The following TECPR2 variants were observed in gnomAD, a reference collection of about 807,000 sequenced individuals.
TECPR2 encodes tectonin beta-propeller repeat-containing protein 2.
A neutral mutation model predicts 138.1 loss-of-function variants in TECPR2; 65 were observed. That is an observed-to-expected ratio of 0.47 (90% CI 0.39 to 0.58). The LOEUF (loss-of-function observed/expected upper bound fraction) is 0.58, where lower values mean the gene tolerates loss of function less well. TECPR2 is among the 20% of genes least tolerant of loss of function. The pLI is 0.00. For synonymous variants in TECPR2, 746 were observed against 749.8 expected (o/e 0.99, Z 0.08); for missense variants, 1,553 against 1,824.5 (o/e 0.85, Z 2.71).
rs1889385017 is a variant in TECPR2 at position 102,428,344 on chromosome 14, T to C, written c.1046T>C (p.Ile349Thr). Reference sequence around the variant, plus strand: ...TTCTTGAAAGGAGATAGGAACATTATAAGAATTTCAAGCAGGCCTGAAGGA... The same window carrying C: ...TTCTTGAAAGGAGATAGGAACATTACAAGAATTTCAAGCAGGCCTGAAGGA... Reference protein sequence around the residue: ...IFFLKGDRNIIRISSRPEGLT... With the variant: ...IFFLKGDRNITRISSRPEGLT... Residue 349 changes from isoleucine (I) to threonine (T), a missense_variant, in exon 7 of 20, where the codon ATA (isoleucine) becomes ACA (threonine). Physicochemically the swap from Ile to Thr is moderately conservative, Grantham distance 89. Transcript: ENST00000359520. 6.2e-7 allele frequency: 1 copy of C among 1,609,588 alleles called. No homozygotes were observed. The highest frequency in any genetic ancestry group is 8.5e-7 in the Non-Finnish European group (1 of 1,178,514).
intron 19 of TECPR2, 48 bp from the exon 20 acceptor site, chr14:102,498,055 C>A: frequency 9.8e-7 from 1 of 1,023,620 alleles, no homozygotes; most frequent in Non-Finnish European, 1.4e-6. Flanking sequence ...GTGCCCACCC[C>A]ACAGGCTGTG....
intron 17 of TECPR2, among the ~76,000 whole-genome samples, chr14:102,476,343 G>A (rs1166817554): frequency 8.0e-5 from 12 of 149,746 alleles, no homozygotes; most frequent in Admixed American, 6.7e-4. Context: ...ATGAGCCTGG[G>A]CAAGATGGCA....
chr14:102,482,725 A>G (rs1246571261), intron 17 of TECPR2, among the ~76,000 whole-genome samples: 1 of 151,556 alleles, frequency 6.6e-6, no homozygotes, highest in African/African-American at 2.4e-5. Flanking sequence ...TTCACCCTTG[A>G]CCTTGCTGGA....
rs150645913 is a variant in TECPR2 at position 102,376,774 on chromosome 14, A to C, written c.53A>C (p.Tyr18Ser). The stretch of plus-strand genomic sequence containing the variant: ...TTCAGAGAGTTCTGCCCGTTGTACT[A>C]TCTCCTCAATGCCATTCCGACAAAG... ...VTFREFCPLY[Y>S]LLNAIPTKIQ... is the part of the protein sequence containing the mutation. Residue 18 changes from tyrosine to serine, a missense_variant, in exon 2 of 20, where the codon TAT becomes TCT. Tyr to Ser is a moderately radical substitution (Grantham distance 144). Coordinates refer to ENST00000359520, the MANE Select transcript of TECPR2 (RefSeq NM_014844.5). The C allele has an allele frequency of 6.2e-7, 1 of 1,614,176 alleles. No individual in the cohort carries two copies. Among genetic ancestry groups the C allele is most frequent in the Non-Finnish European group, 8.5e-7 (1 of 1,180,028 alleles).
At chr14:102,456,230 T>C (rs1033714530) in intron 16 of TECPR2, among the ~76,000 whole-genome samples, 1 of 152,148 alleles carries the variant, frequency 6.6e-6, no homozygotes, top group Non-Finnish European at 1.5e-5. Flanking sequence ...TGGTGGGGCT[T>C]TTGCTTGTGT....
rs1430886462 is a variant in TECPR2 at position 102,420,614 on chromosome 14, A to G, written c.639-4365A>G. 6.6e-6 allele frequency among the ~76,000 whole-genome samples: 1 copy of G among 152,154 alleles called. No homozygotes were observed. Among genetic ancestry groups the G allele is most frequent in the African/African-American group, 2.4e-5 (1 of 41,432 alleles). Reference sequence around the variant, plus strand: ...CAGCCTCCCGAGTAACTAGGACTACAGGCACGCACCACCATGCCTGGCTAA... The same window carrying G: ...CAGCCTCCCGAGTAACTAGGACTACGGGCACGCACCACCATGCCTGGCTAA... On this transcript the variant is annotated intron_variant, in intron 5 of 19. Transcript: ENST00000359520. This position sits in a 1 kb window ranked among gnomAD's most constrained non-coding sequence, Gnocchi z 4.1.
intron 17 of TECPR2, among the ~76,000 whole-genome samples, chr14:102,465,826 A>G (rs910379138): frequency 6.6e-6 from 1 of 152,106 alleles, no homozygotes; most frequent in Non-Finnish European, 1.5e-5. Context: ...CACTCAGCTC[A>G]CAAGGAGAAG....
At chr14:102,482,838 C>CTTTTTTTTT (rs758301929) in intron 17 of TECPR2, among the ~76,000 whole-genome samples, 7 of 96,580 alleles carry the variant, frequency 7.2e-5, no homozygotes, top group Non-Finnish European at 9.8e-5. Flanking sequence ...AGAAGCCTTT[C>CTTTTTTTTT]TTTTTTTTTT....
chr14:102,443,547 C>T lies in TECPR2; in HGVS notation c.2753-100C>T. Reference sequence around the variant, plus strand: ...AAGCACTCATCATAAAAGAATATAGCAAAATACCAAAAAAGGAAAAATAAG... The same window carrying T: ...AAGCACTCATCATAAAAGAATATAGTAAAATACCAAAAAAGGAAAAATAAG... On this transcript the variant is annotated intron_variant, in intron 11 of 19. Coordinates refer to ENST00000359520, the MANE Select transcript of TECPR2 (RefSeq NM_014844.5). The surrounding 1 kb of genome is among the most constrained non-coding windows in gnomAD (Gnocchi z 4.9). 3.3e-6 allele frequency: 4 copies of T among 1,197,786 alleles called. No individual in the cohort carries two copies. The East Asian group carries it at 1.1e-4, about 34-fold the overall frequency. The allele number at this position is 1,197,786 out of a possible 1,614,324, so 74.2% of individuals were successfully genotyped here. A position where few individuals can be genotyped will look rare whatever the true frequency, so the allele number is the denominator to read the frequency against.
At chr14:102,427,578 G>A (rs909230248) in intron 6 of TECPR2, among the ~76,000 whole-genome samples, 1 of 152,224 alleles carries the variant, frequency 6.6e-6, no homozygotes, top group South Asian at 2.1e-4. Flanking sequence ...CTTTAAGTCA[G>A]TGTGGGCTCA....
At chr14:102,487,599 T>C (rs778975747) in intron 17 of TECPR2, among the ~76,000 whole-genome samples, 52 of 152,224 alleles carry the variant, frequency 3.4e-4, no homozygotes, top group Non-Finnish European at 7.1e-4. Flanking sequence ...TGGAGTGCAG[T>C]GGCGCAATCT....
At chr14:102,371,978 T>G (rs1253877605) in intron 1 of TECPR2, among the ~76,000 whole-genome samples, 1 of 152,212 alleles carries the variant, frequency 6.6e-6, no homozygotes, top group Non-Finnish European at 1.5e-5. Flanking sequence ...ATTGTGACTT[T>G]TCTTTACTTC....
intron 6 of TECPR2, among the ~76,000 whole-genome samples, chr14:102,426,924 C>T (rs991582587): frequency 6.6e-6 from 1 of 152,166 alleles, no homozygotes; most frequent in African/African-American, 2.4e-5. Flanking sequence ...TCATCTTCTC[C>T]TCATTGAAGT....
chr14:102,485,660 G>A (rs1316659918), intron 17 of TECPR2, among the ~76,000 whole-genome samples: 2 of 152,130 alleles, frequency 1.3e-5, no homozygotes, highest in Non-Finnish European at 2.9e-5. Context: ...CCTGCCCTGC[G>A]TGTGCCCCCA....
Position 102,499,389 on chromosome 14 carries a change from GAT to G in TECPR2, c.*1135_*1136del. 1 of 598,694 alleles carries G rather than the reference GAT, an allele frequency of 1.7e-6. No homozygotes were observed. The highest frequency in any genetic ancestry group is 2.0e-5 in the South Asian group (1 of 50,034). The allele number at this position is 598,694 out of a possible 1,614,324, so 37.1% of individuals were successfully genotyped here. On this transcript the variant is annotated 3_prime_UTR_variant, in exon 20 of 20. Transcript: ENST00000359520. ...TCAAATCTTACAAATTTAGAAGAGA[GAT>G]ATGTTTTCCGAAAACAGTGGAAGCC...
chr14:102,370,951 GAT>G (rs1162575002), intron 1 of TECPR2, among the ~76,000 whole-genome samples: 5 of 152,220 alleles, frequency 3.3e-5, no homozygotes, highest in African/African-American at 1.2e-4. Context: ...ACTGGTAGAA[GAT>G]ACAAGATAGG....
chr14:102,383,753 A>G (rs561694344), intron 2 of TECPR2, among the ~76,000 whole-genome samples: 30 of 152,122 alleles, frequency 2.0e-4, no homozygotes, highest in East Asian at 3.9e-4. Context: ...AAATATTTTC[A>G]GTCACCAAAC....
In TECPR2 at chr14:102,497,704, G is replaced by T. The variant is rs753581977; in HGVS notation, c.4066G>T (p.Val1356Leu). ...GDYWKKIPGS[V>L]SCFTVTASDE... is the part of the protein sequence containing the mutation. ...CTACTGGAAGAAAATTCCCGGCAGC[G>T]TGTCGTGTTTCACAGGCAGGTGCCC... is the stretch of plus-strand genomic sequence containing the variant. The change falls in exon 19 of 20, where the codon GTG becomes TTG. Residue 1356 changes from valine to leucine, a missense_variant. Val to Leu is a conservative substitution (Grantham distance 32, BLOSUM62 1). Coordinates refer to ENST00000359520, the MANE Select transcript of TECPR2 (RefSeq NM_014844.5). The T allele has an allele frequency of 1.2e-6, 2 of 1,606,454 alleles. No individual in the cohort carries two copies. Among genetic ancestry groups the T allele is most frequent in the South Asian group, 2.2e-5 (2 of 90,226 alleles).
At chr14:102,367,479 A>G (rs1314054248) in intron 1 of TECPR2, among the ~76,000 whole-genome samples, 1 of 152,082 alleles carries the variant, frequency 6.6e-6, no homozygotes, top group Admixed American at 6.6e-5. Context: ...TATTCTAGAC[A>G]TTTTGTATAC....
Sources: allele counts gnomAD v4.1 joint callset (sites outside exome capture counted in the v4.1 genomes callset), GRCh38; gene constraint gnomAD v4.1.1; non-coding constraint Gnocchi (gnomAD v3.1); transcripts MANE v1.5; gene names NCBI Gene and HGNC (gene_info 2026-07-23, HGNC 2026-07-21).